The following TCERG1L variants were observed in gnomAD, a reference collection of about 807,000 sequenced individuals.
TCERG1L encodes the protein transcription elongation regulator 1-like protein.
In TCERG1L, 37 loss-of-function variants were observed where a neutral mutation model predicts 56.3. The observed-to-expected ratio is 0.66, with a 90% CI of 0.51 to 0.87. The LOEUF (loss-of-function observed/expected upper bound fraction) is 0.87, where lower values mean the gene tolerates loss of function less well. Among genes scored for constraint, TCERG1L ranks in the 40% least tolerant of loss-of-function variants. The pLI is 0.00. For missense variants in TCERG1L, 799 were observed against 774.2 expected, an observed-to-expected ratio of 1.03 and a Z score of -0.38; for synonymous variants, 324 against 326.3, an observed-to-expected ratio of 0.99 and a Z score of 0.08.
chr10:131,309,530 A>G (rs1290843870), intron 1 of TCERG1L, among the ~76,000 whole-genome samples: 1 of 152,214 alleles, frequency 6.6e-6, no homozygotes, highest in East Asian at 1.9e-4. Flanking sequence ...GCATTCTTCA[A>G]TACTGAAAAA....
chr10:131,248,294 C>G (rs1442031364), intron 4 of TCERG1L, among the ~76,000 whole-genome samples: 1 of 152,132 alleles, frequency 6.6e-6, no homozygotes. Flanking sequence ...CACACACACA[C>G]ACGACACAGA....
At chr10:131,238,297 A>G (rs1420507231) in intron 4 of TCERG1L, among the ~76,000 whole-genome samples, 1 of 152,218 alleles carries the variant, frequency 6.6e-6, no homozygotes, top group Non-Finnish European at 1.5e-5. Flanking sequence ...CCCTGGGGAT[A>G]ATATTTGGAG....
At chr10:131,257,385 T>A (rs1270856613) in intron 4 of TCERG1L, among the ~76,000 whole-genome samples, 1 of 152,242 alleles carries the variant, frequency 6.6e-6, no homozygotes, top group African/African-American at 2.4e-5. Context: ...CTGGACCTGG[T>A]CACGGGCTCT....
chr10:131,154,623 T>C (rs1379580790), intron 6 of TCERG1L, among the ~76,000 whole-genome samples: 1 of 152,120 alleles, frequency 6.6e-6, no homozygotes, highest in Non-Finnish European at 1.5e-5. Flanking sequence ...CAGGACTGAG[T>C]GGCCCAGGCC....
At chr10:131,199,730 C>T (rs1053035266) in intron 4 of TCERG1L, among the ~76,000 whole-genome samples, 2 of 152,182 alleles carry the variant, frequency 1.3e-5, no homozygotes, top group African/African-American at 4.8e-5. Context: ...GGCCACATAC[C>T]AGGCACCATC....
chr10:131,145,113 T>G (rs1404236972), intron 7 of TCERG1L, among the ~76,000 whole-genome samples: 1 of 152,030 alleles, frequency 6.6e-6, no homozygotes, highest in East Asian at 1.9e-4. Flanking sequence ...AAGAAAGGAG[T>G]GAGGAATCTG....
chr10:131,168,453 C>T (rs1846054645), intron 4 of TCERG1L, among the ~76,000 whole-genome samples: 1 of 152,206 alleles, frequency 6.6e-6, no homozygotes, highest in Admixed American at 6.5e-5. Context: ...CCCTCCCCAG[C>T]ACCCTTGGGA....
At chr10:131,179,947 A>G (rs979053278) in intron 4 of TCERG1L, among the ~76,000 whole-genome samples, 2 of 152,212 alleles carry the variant, frequency 1.3e-5, no homozygotes, top group Non-Finnish European at 2.9e-5. Flanking sequence ...TTCCAGACAA[A>G]GAGCTGGCAA....
At chr10:131,099,178 A>G (rs1314093596) in intron 10 of TCERG1L, among the ~76,000 whole-genome samples, 2 of 152,220 alleles carry the variant, frequency 1.3e-5, no homozygotes, top group African/African-American at 4.8e-5. Flanking sequence ...CTGCTCCTCA[A>G]TGGGAGGGAC....
chr10:131,289,422 A>G (rs1266927232), intron 3 of TCERG1L, among the ~76,000 whole-genome samples: 1 of 152,212 alleles, frequency 6.6e-6, no homozygotes. Flanking sequence ...GCATCCAGAA[A>G]GGCACACCTA....
At chr10:131,101,794 G>A (rs1188563507) in intron 10 of TCERG1L, among the ~76,000 whole-genome samples, 5 of 151,968 alleles carry the variant, frequency 3.3e-5, no homozygotes, top group African/African-American at 9.6e-5. Context: ...TCTGCCTCCC[G>A]GGTTCAAGTG....
intron 4 of TCERG1L, among the ~76,000 whole-genome samples, chr10:131,180,229 A>T (rs1292796353): frequency 1.3e-5 from 2 of 152,216 alleles, no homozygotes; most frequent in Non-Finnish European, 2.9e-5. Context: ...TAGGGATGCA[A>T]AGTCCCAGAG....
At chr10:131,182,354 T>G (rs1845189739) in intron 4 of TCERG1L, among the ~76,000 whole-genome samples, 1 of 152,238 alleles carries the variant, frequency 6.6e-6, no homozygotes, top group South Asian at 2.1e-4. Flanking sequence ...GGGGTCTTTG[T>G]GCCCCTGTCC....
At chr10:131,252,067 T>C (rs967233753) in intron 4 of TCERG1L, among the ~76,000 whole-genome samples, 1 of 152,212 alleles carries the variant, frequency 6.6e-6, no homozygotes, top group Non-Finnish European at 1.5e-5. Context: ...GGTTCTTCCA[T>C]GCTGAAGCAG....
Position 131,289,158 on chromosome 10 carries a change from T to A in TCERG1L, c.670+19053A>T, listed in dbSNP as rs1803659161. Among the ~76,000 whole-genome samples the A allele has an allele frequency of 2.0e-5, 3 of 152,058 alleles. 1 individual carries two copies. The South Asian group carries it at 6.2e-4, about 32-fold the overall frequency. On this transcript the variant is annotated intron_variant, in intron 3 of 11. Coordinates refer to ENST00000368642, the MANE Select transcript of TCERG1L (RefSeq NM_174937.4). ...TAAAAGTCTTGATTTTTTTTTTTTT[T>A]AATCAAGCATCGCCTTAACACAGGC...
intron 4 of TCERG1L, among the ~76,000 whole-genome samples, chr10:131,231,939 G>A (rs1845857144): frequency 6.6e-6 from 1 of 152,150 alleles, no homozygotes; most frequent in Non-Finnish European, 1.5e-5. Context: ...CAGAAGGAAG[G>A]CCGTAGGAAG....
At chr10:131,309,858 A>AAAAAAAAAAAG (rs1240934267) in intron 1 of TCERG1L, among the ~76,000 whole-genome samples, 1 of 150,346 alleles carries the variant, frequency 6.7e-6, no homozygotes, top group Admixed American at 6.6e-5. Flanking sequence ...AAAAAAAAAA[A>AAAAAAAAAAAG]ACTAAGCATC....
chr10:131,258,915 CT>C lies in TCERG1L; in HGVS notation c.856+1343del, dbSNP rs202171969. ...TTCCTCTGAAAACAGTAAGTCACCCCTAATACATGTCAATGTACTAGTAGGT... is the reference window on the plus strand; with the variant it reads ...TTCCTCTGAAAACAGTAAGTCACCCCAATACATGTCAATGTACTAGTAGGT... On this transcript the variant is annotated intron_variant, in intron 4 of 11. Transcript: ENST00000368642. 3.7e-4 allele frequency among the ~76,000 whole-genome samples: 56 copies of C among 152,256 alleles called. 1 individual carries two copies. In the East Asian group the frequency reaches 8.3e-3, roughly 23 times the overall value.
In TCERG1L at chr10:131,146,512, G is replaced by A. The variant is rs1845796235; in HGVS notation, c.1183C>T (p.Pro395Ser). The change falls in exon 7 of 12, where the codon CCA (proline) becomes TCA (serine). Residue 395 changes from proline (P) to serine (S), a missense_variant. Pro to Ser is a moderately conservative substitution (Grantham distance 74, BLOSUM62 -1). Coordinates refer to ENST00000368642, the MANE Select transcript of TCERG1L (RefSeq NM_174937.4). ...DPPHKRKLEA[P>S]ATDNSDGSSS... ...TAACCCAGGGCTTAGTTACTTGCTG[G>A]TGCCTCCAGCTTGCGTTTGTGGGGC... 3.7e-6 allele frequency: 6 copies of A among 1,608,456 alleles called. No individual in the cohort carries two copies. Among genetic ancestry groups the A allele is most frequent in the African/African-American group, 2.7e-5 (2 of 74,676 alleles).
Sources: allele counts gnomAD v4.1 joint callset (sites outside exome capture counted in the v4.1 genomes callset), GRCh38; gene constraint gnomAD v4.1.1; transcripts MANE v1.5; gene names NCBI Gene and HGNC (gene_info 2026-07-23, HGNC 2026-07-21).